The following SOX6 variants were observed in gnomAD, a reference collection of about 807,000 sequenced individuals.
SOX6 encodes transcription factor SOX-6.
Under a neutral mutation model 97.8 loss-of-function variants are expected in SOX6, and 11 were observed. The observed-to-expected ratio is 0.11, with a 90% CI of 0.07 to 0.19. The LOEUF is 0.19. Among genes scored for constraint, SOX6 ranks in the 10% least tolerant of loss-of-function variants. The pLI, the probability that SOX6 is intolerant of heterozygous loss-of-function variation, is 1.00. For missense variants in SOX6, 810 were observed against 1,039.5 expected (o/e 0.78, Z 3.04); for synonymous variants, 360 against 371.4 (o/e 0.97, Z 0.35).
intron 9 of SOX6, among the ~76,000 whole-genome samples, chr11:16,063,499 TATATATATATATATATATATATATA>T (rs1564933211): frequency 0.014 from 156 of 11,374 alleles, 3 homozygotes; most frequent in African/African-American, 0.019. Context: ...CATAATTTTA[TATATATATATATATATATATATATA>T]TATATATATA....
intron 3 of SOX6, 49 bp downstream of exon 3, chr11:16,318,397 A>G (rs746585221): frequency 6.4e-7 from 1 of 1,567,960 alleles, no homozygotes; most frequent in African/African-American, 1.4e-5. Context: ...TAAGGCCTGG[A>G]ATCTTTAGAA....
intron 9 of SOX6, among the ~76,000 whole-genome samples, chr11:16,079,205 C>T (rs933089455): frequency 1.3e-5 from 2 of 152,116 alleles, no homozygotes; most frequent in Non-Finnish European, 2.9e-5. Context: ...CTTCTATGCC[C>T]TTCGATTTCC....
chr11:16,224,539 GT>G (rs1852628855), intron 4 of SOX6, among the ~76,000 whole-genome samples: 1 of 151,924 alleles, frequency 6.6e-6, no homozygotes. Flanking sequence ...GTGGGGGGAG[GT>G]TTTAATTGCT....
chr11:16,686,038 G>A (rs1184380883), intron 3 of SOX6, among the ~76,000 whole-genome samples: 1 of 152,262 alleles, frequency 6.6e-6, no homozygotes, highest in Non-Finnish European at 1.5e-5. Context: ...GATGCGGAAG[G>A]TTGTGTCTCA....
At chr11:16,618,778 T>C (rs891476013) in intron 3 of SOX6, among the ~76,000 whole-genome samples, 1 of 152,026 alleles carries the variant, frequency 6.6e-6, no homozygotes, top group Non-Finnish European at 1.5e-5. Context: ...CTGCACATAC[T>C]GTATGACTGT....
intron 2 of SOX6, among the ~76,000 whole-genome samples, chr11:16,324,042 A>T (rs1855999565): frequency 1.3e-5 from 2 of 151,828 alleles, no homozygotes; most frequent in African/African-American, 4.8e-5. Context: ...AAATTAGCTG[A>T]GTGTGGGGGT....
chr11:16,719,959 T>C (rs1564876841), intron 2 of SOX6, among the ~76,000 whole-genome samples: 1 of 152,134 alleles, frequency 6.6e-6, no homozygotes, highest in Non-Finnish European at 1.5e-5. Flanking sequence ...GTTTAAATCA[T>C]GGAACATTAG....
intron 4 of SOX6, among the ~76,000 whole-genome samples, chr11:16,212,278 T>G (rs1248948081): frequency 6.6e-6 from 1 of 152,146 alleles, no homozygotes; most frequent in Non-Finnish European, 1.5e-5. Context: ...GAGGCAGAGC[T>G]TGCTTTTATT....
At chr11:16,447,001 C>A (rs1232320463) in intron 1 of SOX6, among the ~76,000 whole-genome samples, 6 of 40,496 alleles carry the variant, frequency 1.5e-4, no homozygotes, top group Non-Finnish European at 2.4e-4. Flanking sequence ...CTCCTCCTTT[C>A]CTTTCTTCCA....
intron 1 of SOX6, among the ~76,000 whole-genome samples, chr11:16,472,391 C>T (rs905001537): frequency 2.6e-5 from 4 of 152,130 alleles, no homozygotes; most frequent in African/African-American, 9.7e-5. Flanking sequence ...AGAATAAGTT[C>T]GGTTCCTTAG....
chr11:16,641,692 G>A (rs1392457581), intron 3 of SOX6, among the ~76,000 whole-genome samples: 1 of 152,076 alleles, frequency 6.6e-6, no homozygotes, highest in Admixed American at 6.6e-5. Context: ...ATCTTTGTTG[G>A]TTTAAAGTCT....
intron 1 of SOX6, among the ~76,000 whole-genome samples, chr11:16,427,700 G>A (rs12222249): frequency 0.18 from 26,898 of 152,120 alleles, 2,888 homozygotes; most frequent in Admixed American, 0.31. Flanking sequence ...TGGTGTATAT[G>A]TGCCACATTT....
chr11:16,475,369 G>T (rs1040214895), intron 1 of SOX6, among the ~76,000 whole-genome samples: 2 of 152,100 alleles, frequency 1.3e-5, no homozygotes, highest in African/African-American at 4.8e-5. Context: ...GTTGTCATTC[G>T]TAGCTGTTGA....
chr11:16,704,623 C>T (rs1468324534), intron 3 of SOX6, among the ~76,000 whole-genome samples: 1 of 152,078 alleles, frequency 6.6e-6, no homozygotes, highest in Admixed American at 6.6e-5. Flanking sequence ...TAGTGAAGTT[C>T]CCTAATTACA....
chr11:16,541,385 G>T (rs1478503844), intron 4 of SOX6, among the ~76,000 whole-genome samples: 1 of 152,050 alleles, frequency 6.6e-6, no homozygotes, highest in East Asian at 1.9e-4. Flanking sequence ...GAAAACCTAG[G>T]CAATACCATT....
chr11:16,410,292 G>T (rs1858777845), intron 1 of SOX6, among the ~76,000 whole-genome samples: 1 of 152,214 alleles, frequency 6.6e-6, no homozygotes, highest in Admixed American at 6.5e-5. Flanking sequence ...CCAAATAGCA[G>T]TTCTGACCCA....
chr11:16,508,066 A>G (rs1860819062), intron 4 of SOX6, among the ~76,000 whole-genome samples: 1 of 152,146 alleles, frequency 6.6e-6, no homozygotes, highest in Non-Finnish European at 1.5e-5. Context: ...TTCTATTAAA[A>G]AGTAGGCAAA....
At chr11:16,713,719 C>T (rs1036068935) in intron 3 of SOX6, among the ~76,000 whole-genome samples, 3 of 152,162 alleles carry the variant, frequency 2.0e-5, no homozygotes, top group Non-Finnish European at 4.4e-5. Context: ...TCAGTCACTG[C>T]TCTGCAAAAC....
At chr11:16,624,002 G>A (rs1481344712) in intron 3 of SOX6, among the ~76,000 whole-genome samples, 1 of 152,066 alleles carries the variant, frequency 6.6e-6, no homozygotes, top group African/African-American at 2.4e-5. Flanking sequence ...CCCCTTCGGA[G>A]GCAATCATCA....
Sources: gnomAD v4.1 joint callset for allele counts (sites outside exome capture counted in the v4.1 genomes callset) on GRCh38, gnomAD v4.1.1 for gene constraint, MANE v1.5 for transcripts, NCBI Gene and HGNC (gene_info 2026-07-23, HGNC 2026-07-21) for gene names.